Variants in TBC1D1 observed in about 807,000 individuals in gnomAD.
TBC1D1 encodes TBC1 (tre-2/USP6, BUB2, cdc16) domain family, member 1.
A neutral mutation model predicts 125.6 loss-of-function variants in TBC1D1; 89 were observed. The observed-to-expected ratio is 0.71, with a 90% confidence interval of 0.60 to 0.85. TBC1D1 has a LOEUF of 0.85. Ranked by LOEUF, TBC1D1 falls within the 40% of genes least tolerant of loss-of-function variation. TBC1D1 has a pLI of 0.00. For missense variants in TBC1D1, 1,377 were observed against 1,469.2 expected, an observed-to-expected ratio of 0.94 and a Z score of 1.03; for synonymous variants, 565 against 564.1, an observed-to-expected ratio of 1.00 and a Z score of -0.02.
chr4:37,962,599 CAAT>C (rs1361827460), intron 2 of TBC1D1, among the ~76,000 whole-genome samples: 1 of 152,172 alleles, frequency 6.6e-6, no homozygotes, highest in African/African-American at 2.4e-5. Flanking sequence ...AGTAGAAACT[CAAT>C]AAATATTTGT....
At chr4:37,938,503 G>A (rs750415968) in intron 2 of TBC1D1, among the ~76,000 whole-genome samples, 1 of 151,958 alleles carries the variant, frequency 6.6e-6, no homozygotes, top group Non-Finnish European at 1.5e-5. Flanking sequence ...TCAAATAAGC[G>A]ATTTGAATTT....
intron 11 of TBC1D1, among the ~76,000 whole-genome samples, chr4:38,050,960 G>A (rs1242073465): frequency 6.6e-6 from 1 of 152,194 alleles, no homozygotes; most frequent in Non-Finnish European, 1.5e-5. Context: ...ATAAATACAC[G>A]CTTTTAGAGA....
At chr4:38,106,702 A>C (rs1182729551) in intron 15 of TBC1D1, among the ~76,000 whole-genome samples, 2 of 152,116 alleles carry the variant, frequency 1.3e-5, no homozygotes, top group African/African-American at 2.4e-5. Context: ...GTATCCCCTC[A>C]TTCTTCCACG....
At chr4:37,958,455 T>A (rs1027309094) in intron 2 of TBC1D1, among the ~76,000 whole-genome samples, 2 of 152,206 alleles carry the variant, frequency 1.3e-5, no homozygotes, top group African/African-American at 4.8e-5. Context: ...CTCTGTTTTG[T>A]TCATTGTTGT....
chr4:38,077,441 T>C (rs1260937507), intron 12 of TBC1D1, among the ~76,000 whole-genome samples: 1 of 152,228 alleles, frequency 6.6e-6, no homozygotes, highest in Non-Finnish European at 1.5e-5. Context: ...ATGCAAATGC[T>C]ATTTTGTGGC....
intron 12 of TBC1D1, among the ~76,000 whole-genome samples, chr4:38,055,543 C>T (rs753109241): frequency 6.6e-6 from 1 of 152,170 alleles, no homozygotes; most frequent in Non-Finnish European, 1.5e-5. Context: ...GGAAGTCCTT[C>T]GGGTGAGCCT....
At chr4:38,077,168 A>G (rs925099484) in intron 12 of TBC1D1, among the ~76,000 whole-genome samples, 2 of 152,252 alleles carry the variant, frequency 1.3e-5, no homozygotes, top group Admixed American at 6.5e-5. Context: ...GACATGAGAT[A>G]GATGTATTGC....
chr4:38,127,378 T>C (rs1458431077), intron 18 of TBC1D1, among the ~76,000 whole-genome samples: 3 of 148,920 alleles, frequency 2.0e-5, no homozygotes, highest in Non-Finnish European at 4.4e-5. Context: ...ATTTTTCCAC[T>C]GACTTTTTTT....
intron 17 of TBC1D1, 140 bp downstream of exon 19, chr4:38,118,332 G>A: frequency 9.5e-7 from 1 of 1,053,316 alleles, no homozygotes; most frequent in Non-Finnish European, 1.4e-6. Flanking sequence ...TCTAAGATTA[G>A]TCAGGGGTGG....
chr4:38,004,889 A>C (rs1463511994), intron 2 of TBC1D1, among the ~76,000 whole-genome samples: 1 of 152,244 alleles, frequency 6.6e-6, no homozygotes, highest in Non-Finnish European at 1.5e-5. Flanking sequence ...AAACGGTAAA[A>C]CATGAATATT....
At chr4:38,123,492 A>G (rs1212980511) in intron 17 of TBC1D1, among the ~76,000 whole-genome samples, 2 of 152,222 alleles carry the variant, frequency 1.3e-5, no homozygotes, top group Non-Finnish European at 2.9e-5. Context: ...ATATTCTTCA[A>G]TTGGCCTGCC....
intron 3 of TBC1D1, among the ~76,000 whole-genome samples, chr4:38,016,935 G>T (rs566526476): frequency 3.1e-4 from 47 of 152,336 alleles, no homozygotes; most frequent in Non-Finnish European, 6.2e-4. Context: ...GGATGGGGAG[G>T]GGAGTGAAGC....
At position 38,139,007 on chromosome 4, in the gene TBC1D1, G is replaced by A. The variant is rs940586423; in HGVS notation, c.*1672G>A. On this transcript the variant is annotated 3_prime_UTR_variant, in exon 20 of 20. Coordinates refer to ENST00000261439, the MANE Select transcript of TBC1D1 (RefSeq NM_015173.4). ...TTTATCCCTCGTGGTTCCGCTAGATGTAACTTATAGGAGTTAACATTTGAG... is the reference window on the plus strand; with the variant it reads ...TTTATCCCTCGTGGTTCCGCTAGATATAACTTATAGGAGTTAACATTTGAG... 1 of 152,730 alleles carries A rather than the reference G, an allele frequency of 6.5e-6. No individual in the cohort carries two copies. The highest frequency in any genetic ancestry group is 1.5e-5 in the Non-Finnish European group (1 of 68,034). 9.5% of individuals were successfully genotyped at this position (152,730 alleles called of 1,614,324 possible).
At chr4:38,132,894 T>C in intron 18 of TBC1D1, 190 bp from the exon 21 acceptor site, 2 of 387,722 alleles carry the variant, frequency 5.2e-6, no homozygotes, top group Non-Finnish European at 4.7e-6. Context: ...TCTTATATCC[T>C]TTTGTCCCAA....
chr4:38,085,742 C>A (rs1019220910), intron 12 of TBC1D1, among the ~76,000 whole-genome samples: 1 of 152,200 alleles, frequency 6.6e-6, no homozygotes, highest in African/African-American at 2.4e-5. Context: ...CTCCTTAGAC[C>A]ACCTAACGCA....
Position 38,053,213 on chromosome 4 carries a change from T to G in TBC1D1, c.1911-986T>G, listed in dbSNP as rs1283563617. 5.9e-6 allele frequency: 9 copies of G among 1,518,058 alleles called. No individual in the cohort carries two copies. The African/African-American group carries it at 9.9e-5, about 17-fold the overall frequency. The allele number at this position is 1,518,058 out of a possible 1,614,324, so 94.0% of individuals were successfully genotyped here. On this transcript the variant is annotated intron_variant, in intron 11 of 19. Coordinates refer to ENST00000261439, the MANE Select transcript of TBC1D1 (RefSeq NM_015173.4). ...GATGAAAATAACACCTCTGATTTTATGAACACAAAAAGGTAGGGCTTAATT... is the reference window on the plus strand; with the variant it reads ...GATGAAAATAACACCTCTGATTTTAGGAACACAAAAAGGTAGGGCTTAATT...
chr4:38,003,513 T>C (rs1739470299), intron 2 of TBC1D1, among the ~76,000 whole-genome samples: 1 of 152,194 alleles, frequency 6.6e-6, no homozygotes, highest in Admixed American at 6.5e-5. Context: ...TTTTGTCATT[T>C]ATTATTCGTT....
At chr4:37,943,786 C>A in intron 2 of TBC1D1, among the ~76,000 whole-genome samples, 1 of 152,134 alleles carries the variant, frequency 6.6e-6, no homozygotes, top group Admixed American at 6.6e-5. Context: ...TCAAACTTCC[C>A]CCTTTAGCTG....
rs150838164 is a variant in TBC1D1, at chr4:37,953,416, G to T, written c.417+50904G>T. 6.6e-5 allele frequency among the ~76,000 whole-genome samples: 10 copies of T among 152,326 alleles called. No homozygotes were observed. The East Asian group carries it at 7.7e-4, about 12-fold the overall frequency. ...GCACTGCATGTCATTACTGGTAATAGAATCCTGCTCCTGTAGTTTTTAATT... is the reference window on the plus strand; with the variant it reads ...GCACTGCATGTCATTACTGGTAATATAATCCTGCTCCTGTAGTTTTTAATT... On this transcript the variant is annotated intron_variant, in intron 2 of 19. Coordinates refer to ENST00000261439, the MANE Select transcript of TBC1D1 (RefSeq NM_015173.4).
Sources: gnomAD v4.1 joint callset for allele counts (sites outside exome capture counted in the v4.1 genomes callset) on GRCh38, gnomAD v4.1.1 for gene constraint, MANE v1.5 for transcripts, NCBI Gene and HGNC (gene_info 2026-07-23, HGNC 2026-07-21) for gene names.